CORO2B: variants seen among roughly 807,000 people sequenced by gnomAD.
CORO2B encodes the protein coronin 2B, also known as coronin-2B.
A neutral mutation model predicts 58.8 loss-of-function variants in CORO2B; 26 were observed. The observed-to-expected ratio is 0.44, with a 90% CI of 0.32 to 0.61. CORO2B has a LOEUF of 0.61. Ranked by LOEUF, CORO2B falls within the 20% of genes least tolerant of loss-of-function variation. The pLI, the probability that CORO2B is intolerant of heterozygous loss-of-function variation, is 0.04. For synonymous variants in CORO2B, 242 were observed against 253.8 expected (o/e 0.95, Z 0.44); for missense variants, 460 against 645.1 (o/e 0.71, Z 3.11).
intron 1 of CORO2B, among the ~76,000 whole-genome samples, chr15:68,582,910 G>T (rs1006368935): frequency 6.6e-6 from 1 of 152,194 alleles, no homozygotes; most frequent in Non-Finnish European, 1.5e-5. Flanking sequence ...GCTCAGGGGG[G>T]TCAGCGGTCC....
At chr15:68,576,221 T>G (rs935030884), upstream of CORO2B, among the ~76,000 whole-genome samples, 2 of 147,800 alleles carry the variant, frequency 1.4e-5, no homozygotes, top group African/African-American at 2.5e-5. Context: ...ATCTCCTACA[T>G]GCAGAGGCCG....
intron 1 of CORO2B, among the ~76,000 whole-genome samples, chr15:68,637,111 A>G (rs758774312): frequency 1.3e-5 from 2 of 152,238 alleles, no homozygotes; most frequent in African/African-American, 2.4e-5. Context: ...TGCCTTCACG[A>G]CACACTCCTC....
At chr15:68,717,434 T>A (rs1393292777) in intron 8 of CORO2B, among the ~76,000 whole-genome samples, 4 of 151,224 alleles carry the variant, frequency 2.6e-5, no homozygotes, top group African/African-American at 9.7e-5. Flanking sequence ...GAATAATAGG[T>A]GGGGAGAAGG....
At chr15:68,572,472 G>C in the CORO2B span, among the ~76,000 whole-genome samples, 1,609 of 152,198 alleles carry the variant, frequency 0.011, 27 homozygotes, top group African/African-American at 0.037. Flanking sequence ...CCTGAGAGAT[G>C]GAAGGTGAAA....
intron 1 of CORO2B, among the ~76,000 whole-genome samples, chr15:68,607,133 G>A (rs546942825): frequency 1.3e-5 from 2 of 152,312 alleles, no homozygotes; most frequent in Admixed American, 6.5e-5. Flanking sequence ...AGGCACAGAG[G>A]GGATAGTTTG....
At chr15:68,537,235 AGAG>A in the CORO2B span, among the ~76,000 whole-genome samples, 5 of 152,332 alleles carry the variant, frequency 3.3e-5, no homozygotes, top group East Asian at 1.9e-4. Flanking sequence ...ACCCTCTTGA[AGAG>A]GAGAAGCCAA....
intron 3 of CORO2B, among the ~76,000 whole-genome samples, chr15:68,703,232 C>A (rs534496037): frequency 6.8e-6 from 1 of 147,928 alleles, no homozygotes; most frequent in East Asian, 2.0e-4. Context: ...CTCACTGCAA[C>A]CTCCGACTCC....
chr15:68,705,304 G>A (rs1379472929), intron 3 of CORO2B, among the ~76,000 whole-genome samples: 1 of 152,054 alleles, frequency 6.6e-6, no homozygotes, highest in East Asian at 1.9e-4. Context: ...TGGGCGTGGT[G>A]GTGGGCGCCT....
At position 68,645,405 on chromosome 15, in the gene CORO2B, G is replaced by T; in HGVS notation, c.216+45G>T. 1 of 1,582,490 alleles carries T rather than the reference G, an allele frequency of 6.3e-7. No individual in the cohort carries two copies. On this transcript the variant is annotated intron_variant, in intron 2 of 11. Coordinates refer to ENST00000261861, the MANE Select transcript of CORO2B (RefSeq NM_006091.5). This position sits in a 1 kb window ranked among gnomAD's most constrained non-coding sequence, Gnocchi z 4.5. ...ACTCCAGCTGCAGCTCCAGGGCAGAGAGGAGCCCTCCTTGGTCTCTCTTAG... is the reference window on the plus strand; with the variant it reads ...ACTCCAGCTGCAGCTCCAGGGCAGATAGGAGCCCTCCTTGGTCTCTCTTAG...
the CORO2B span, among the ~76,000 whole-genome samples, chr15:68,546,284 C>A: frequency 6.6e-6 from 1 of 152,136 alleles, no homozygotes; most frequent in Non-Finnish European, 1.5e-5. Context: ...CCAGTAGTTG[C>A]TTTAAGATTC....
chr15:68,677,069 C>T (rs1902610679), intron 2 of CORO2B, among the ~76,000 whole-genome samples: 1 of 152,204 alleles, frequency 6.6e-6, no homozygotes, highest in Non-Finnish European at 1.5e-5. Context: ...CCACGGTGCC[C>T]AGTCCAAGAC....
At chr15:68,600,047 A>G (rs745804200) in intron 1 of CORO2B, among the ~76,000 whole-genome samples, 1 of 152,108 alleles carries the variant, frequency 6.6e-6, no homozygotes, top group Non-Finnish European at 1.5e-5. Context: ...GGGAGTAGAG[A>G]CAGTTTCTGT....
intron 2 of CORO2B, among the ~76,000 whole-genome samples, chr15:68,681,527 G>A (rs375418771): frequency 2.0e-5 from 3 of 152,136 alleles, no homozygotes; most frequent in African/African-American, 7.2e-5. Flanking sequence ...TATTGGGATT[G>A]GGGGAGATAA....
upstream of CORO2B, among the ~76,000 whole-genome samples, chr15:68,574,355 TC>T (rs1336330395): frequency 2.0e-4 from 30 of 152,240 alleles, no homozygotes; most frequent in African/African-American, 6.5e-4. Context: ...TCTTAGGGGC[TC>T]TACAGCTTTG....
the CORO2B span, chr15:68,559,605 G>C: frequency 2.3e-5 from 23 of 985,396 alleles, no homozygotes; most frequent in Non-Finnish European, 2.8e-5. The surrounding 1 kb of genome is among the most constrained non-coding windows in gnomAD (Gnocchi z 4.3). Context: ...CGGAACAAGC[G>C]TGCTGATGGT....
chr15:68,702,164 G>T (rs1471536942), intron 3 of CORO2B, among the ~76,000 whole-genome samples: 2 of 152,134 alleles, frequency 1.3e-5, no homozygotes, highest in African/African-American at 4.8e-5. Context: ...GAAGAGAGGA[G>T]GAGGGTAGTC....
At chr15:68,718,857 C>G (rs553564841) in intron 9 of CORO2B, 47 bp downstream of exon 9, 1 of 1,475,432 alleles carries the variant, frequency 6.8e-7, no homozygotes, top group Non-Finnish European at 9.5e-7. Flanking sequence ...TGCATCGCCT[C>G]TTAGCCTGCT....
chr15:68,578,429 C>G (rs1899329007), upstream of CORO2B, among the ~76,000 whole-genome samples: 1 of 152,212 alleles, frequency 6.6e-6, no homozygotes, highest in African/African-American at 2.4e-5. This position sits in a 1 kb window ranked among gnomAD's most constrained non-coding sequence, Gnocchi z 4.2. Context: ...GGCCTTCGGG[C>G]AAGTCATCGC....
chr15:68,707,316 T>A (rs1892808096), intron 3 of CORO2B, among the ~76,000 whole-genome samples: 1 of 152,208 alleles, frequency 6.6e-6, no homozygotes, highest in South Asian at 2.1e-4. Flanking sequence ...ACTCTGTGGG[T>A]TAAAAACTAG....
Sources: allele counts gnomAD v4.1 joint callset (sites outside exome capture counted in the v4.1 genomes callset), GRCh38; gene constraint gnomAD v4.1.1; non-coding constraint Gnocchi (gnomAD v3.1); transcripts MANE v1.5; gene names NCBI Gene and HGNC (gene_info 2026-07-23, HGNC 2026-07-21).